The following TMEM132C variants were observed in gnomAD, a reference collection of about 807,000 sequenced individuals.
The protein encoded by TMEM132C is protein phosphatase 1, regulatory subunit 152.
In TMEM132C, 29 loss-of-function variants were observed where a neutral mutation model predicts 61.4. The ratio of observed to expected loss-of-function variants is 0.47; its 90% CI spans 0.35 to 0.64. The LOEUF is 0.64. Ranked by LOEUF, TMEM132C falls within the 30% of genes least tolerant of loss-of-function variation. The probability of loss-of-function intolerance (pLI) is 0.00; values close to 1 mark genes in which losing one functional copy is unlikely to be tolerated. For missense variants in TMEM132C, 1,408 were observed against 1,476.9 expected (o/e 0.95, Z 0.76); for synonymous variants, 656 against 633.1 (o/e 1.04, Z -0.54).
At chr12:128,378,497 G>A (rs1455468111) in intron 1 of TMEM132C, among the ~76,000 whole-genome samples, 2 of 152,152 alleles carry the variant, frequency 1.3e-5, no homozygotes, top group Non-Finnish European at 2.9e-5. Flanking sequence ...AAATTTCCTA[G>A]AGCAAATGCA....
intron 5 of TMEM132C, among the ~76,000 whole-genome samples, chr12:128,688,440 G>A (rs557355239): frequency 3.3e-5 from 5 of 151,820 alleles, no homozygotes; most frequent in South Asian, 2.1e-4. Flanking sequence ...AGGCAAAGAC[G>A]GAAAAAATGA....
chr12:128,641,051 A>T (rs1403960051), intron 4 of TMEM132C, among the ~76,000 whole-genome samples: 1 of 152,208 alleles, frequency 6.6e-6, no homozygotes, highest in African/African-American at 2.4e-5. Flanking sequence ...AAAACACAGG[A>T]GGTTCCCAGA....
intron 1 of TMEM132C, among the ~76,000 whole-genome samples, chr12:128,313,720 C>A (rs1872053641): frequency 6.6e-6 from 1 of 152,170 alleles, no homozygotes; most frequent in African/African-American, 2.4e-5. Context: ...AACTGGGATC[C>A]TGTTAGGAAG....
chr12:128,388,778 C>G (rs1012930025), intron 1 of TMEM132C, among the ~76,000 whole-genome samples: 5 of 152,270 alleles, frequency 3.3e-5, no homozygotes, highest in African/African-American at 1.2e-4. Context: ...CCTCCACTTC[C>G]GGGCGCTGAT....
chr12:128,415,486 C>G lies in TMEM132C; in HGVS notation c.840C>G (p.Ser280Arg), dbSNP rs779056883. 6.4e-7 allele frequency: 1 copy of G among 1,551,588 alleles called. No homozygotes were observed. Among genetic ancestry groups the G allele is most frequent in the Non-Finnish European group, 8.7e-7 (1 of 1,146,988 alleles). The change falls in exon 2 of 9, where the codon AGC (serine) becomes AGG (arginine). Residue 280 changes from serine to arginine, a missense_variant. Coordinates refer to ENST00000435159, the MANE Select transcript of TMEM132C (RefSeq NM_001136103.3). The surrounding 1 kb of genome is among the most constrained non-coding windows in gnomAD (Gnocchi z 5.8). ...TCGGCCTTTACCGGGCCCAGGACAG[C>G]GCCCAGCTCAGCGAGCTGCGTTTGG... is the stretch of plus-strand genomic sequence containing the variant. ...GTVGLYRAQD[S>R]AQLSELRLDG...
rs555898426 is a variant in TMEM132C at position 128,704,743 on chromosome 12, C to T, written c.2122-347C>T. 6.6e-5 allele frequency among the ~76,000 whole-genome samples: 10 copies of T among 152,310 alleles called. No homozygotes were observed. The South Asian group carries it at 2.1e-3, about 32-fold the overall frequency. Reference sequence around the variant, plus strand: ...AAATGACCAGGGCCTGCCCTAGAAGCCAGTCATTGTCTGTGAACATGCACC... The same window carrying T: ...AAATGACCAGGGCCTGCCCTAGAAGTCAGTCATTGTCTGTGAACATGCACC... On this transcript the variant is annotated intron_variant, in intron 8 of 8. Transcript: ENST00000435159.
chr12:128,513,222 G>A (rs993542149), intron 2 of TMEM132C, among the ~76,000 whole-genome samples: 3 of 152,060 alleles, frequency 2.0e-5, no homozygotes, highest in Non-Finnish European at 4.4e-5. Context: ...ACTGCTTCGG[G>A]CACATCAAGC....
At chr12:128,603,929 C>G (rs944155066) in intron 3 of TMEM132C, among the ~76,000 whole-genome samples, 1 of 152,122 alleles carries the variant, frequency 6.6e-6, no homozygotes, top group Non-Finnish European at 1.5e-5. Flanking sequence ...AGGGAAGAAC[C>G]CCACTTGTGG....
chr12:128,631,345 TAG>T lies in TMEM132C; in HGVS notation c.1305+15015_1305+15016del, dbSNP rs536382646. Among the ~76,000 whole-genome samples the T allele has an allele frequency of 2.8e-3, 434 of 152,354 alleles. 3 individuals carry two copies. The highest frequency in any genetic ancestry group is 9.9e-3 in the African/African-American group (411 of 41,584). On this transcript the variant is annotated intron_variant, in intron 4 of 8. Coordinates refer to ENST00000435159, the MANE Select transcript of TMEM132C (RefSeq NM_001136103.3). ...GCCACTTTACTGCACAGAGCAGTGA[TAG>T]AGAGCATCTGTGGTGATGGAGTTGA...
intron 2 of TMEM132C, among the ~76,000 whole-genome samples, chr12:128,471,277 ATT>A (rs1870942857): frequency 6.6e-6 from 1 of 152,186 alleles, no homozygotes; most frequent in Non-Finnish European, 1.5e-5. Flanking sequence ...GACAACTTAT[ATT>A]TTAAATTCTC....
intron 1 of TMEM132C, among the ~76,000 whole-genome samples, chr12:128,269,320 G>T (rs1870429885): frequency 6.8e-6 from 1 of 146,286 alleles, no homozygotes; most frequent in Non-Finnish European, 1.5e-5. Flanking sequence ...AGCAAGTGTG[G>T]ACTGTTCTTC....
At chr12:128,294,391 C>G (rs1871339729) in intron 1 of TMEM132C, among the ~76,000 whole-genome samples, 1 of 152,184 alleles carries the variant, frequency 6.6e-6, no homozygotes, top group Non-Finnish European at 1.5e-5. Flanking sequence ...CAAGGTGGCC[C>G]TAACAGGACT....
chr12:128,327,605 G>C (rs190368274), intron 1 of TMEM132C, among the ~76,000 whole-genome samples: 18 of 152,004 alleles, frequency 1.2e-4, no homozygotes, highest in Admixed American at 3.9e-4. Flanking sequence ...GGATGGTCTC[G>C]ATCTCCTGAC....
chr12:128,437,308 TAAAC>T (rs146869519), intron 2 of TMEM132C, among the ~76,000 whole-genome samples: 1,954 of 151,538 alleles, frequency 0.013, 17 homozygotes, highest in Non-Finnish European at 0.021. Flanking sequence ...AATAAATAAA[TAAAC>T]AAACCACTGA....
At chr12:128,510,810 C>G (rs895828244) in intron 2 of TMEM132C, among the ~76,000 whole-genome samples, 1 of 152,258 alleles carries the variant, frequency 6.6e-6, no homozygotes, top group Non-Finnish European at 1.5e-5. Flanking sequence ...GGGCGTGGAT[C>G]ACAGGGCAGC....
chr12:128,371,532 T>A (rs1400891642), intron 1 of TMEM132C, among the ~76,000 whole-genome samples: 2 of 152,304 alleles, frequency 1.3e-5, no homozygotes, highest in African/African-American at 4.8e-5. Flanking sequence ...CTGGAAGTCA[T>A]CTTTTTGTTG....
intron 3 of TMEM132C, among the ~76,000 whole-genome samples, chr12:128,601,364 A>G (rs1172828862): frequency 6.6e-6 from 1 of 152,220 alleles, no homozygotes; most frequent in African/African-American, 2.4e-5. Context: ...TCACTCCGCA[A>G]ACATTTGCTG....
At chr12:128,669,390 C>G in intron 4 of TMEM132C, 27 bp from the exon 5 acceptor site, 5 of 1,550,784 alleles carry the variant, frequency 3.2e-6, no homozygotes, top group Non-Finnish European at 4.4e-6. Flanking sequence ...TCTCCCTTGA[C>G]CCAGTGTGTT....
chr12:128,281,512 C>CA (rs1337096145), intron 1 of TMEM132C, among the ~76,000 whole-genome samples: 1 of 152,174 alleles, frequency 6.6e-6, no homozygotes, highest in African/African-American at 2.4e-5. Flanking sequence ...TTAAAAGGAT[C>CA]AAATGACCTA....
Sources: gnomAD v4.1 joint callset for allele counts (sites outside exome capture counted in the v4.1 genomes callset) on GRCh38, gnomAD v4.1.1 for gene constraint, Gnocchi (gnomAD v3.1) non-coding constraint, MANE v1.5 for transcripts, NCBI Gene and HGNC (gene_info 2026-07-23, HGNC 2026-07-21) for gene names.